Variants in PTPRD observed in about 807,000 individuals in gnomAD.
PTPRD encodes the protein receptor-type tyrosine-protein phosphatase delta.
A neutral mutation model predicts 214.5 loss-of-function variants in PTPRD; 34 were observed. That is an observed-to-expected ratio of 0.16 (90% CI 0.12 to 0.21). The LOEUF (loss-of-function observed/expected upper bound fraction) is 0.21. PTPRD is among the 10% of genes least tolerant of loss of function. PTPRD has a pLI of 1.00. For synonymous variants in PTPRD, 1,128 were observed against 845.7 expected, an observed-to-expected ratio of 1.33 and a Z score of -5.79; for missense variants, 2,545 against 2,398.7, an observed-to-expected ratio of 1.06 and a Z score of -1.27.
intron 21 of PTPRD, among the ~76,000 whole-genome samples, chr9:8,513,269 G>A (rs933286407): frequency 6.6e-6 from 1 of 151,966 alleles, no homozygotes; most frequent in Non-Finnish European, 1.5e-5. Flanking sequence ...AAAACTCTCT[G>A]ACTGTAAAAC....
intron 2 of PTPRD, among the ~76,000 whole-genome samples, chr9:10,546,258 T>A (rs2060147196): frequency 6.6e-6 from 1 of 152,048 alleles, no homozygotes; most frequent in Non-Finnish European, 1.5e-5. Context: ...TAGTTTGAGG[T>A]TAGTGGCTCA....
chr9:8,424,693 G>A (rs10977083), intron 35 of PTPRD, among the ~76,000 whole-genome samples: 78,242 of 149,224 alleles, frequency 0.52, 20,614 homozygotes, highest in East Asian at 0.74. Flanking sequence ...GGGAAGAAAA[G>A]GGAAGGAAAG....
intron 11 of PTPRD, among the ~76,000 whole-genome samples, chr9:8,970,342 G>T (rs551675351): frequency 1.1e-4 from 16 of 151,782 alleles, no homozygotes; most frequent in Non-Finnish European, 2.4e-4. Context: ...CAAAAATAGT[G>T]AGTTCTAAAT....
chr9:8,320,020 A>C (rs1307140520), intron 44 of PTPRD, 54 bp from the exon 45 acceptor site: 1 of 1,589,710 alleles, frequency 6.3e-7, no homozygotes. Flanking sequence ...AGTCTTGGCC[A>C]CATTTGCTTG....
chr9:9,969,324 C>G lies in PTPRD; in HGVS notation c.-471-30714G>C, dbSNP rs190090921. ...GACCAAGTCCTTTAAGATCTTGTGG[C>G]CTCATTAAACTCTCTCTTTCCTCCT... is the stretch of plus-strand genomic sequence containing the variant. On this transcript the variant is annotated intron_variant, in intron 4 of 45. Transcript: ENST00000381196. Among the ~76,000 whole-genome samples, 333 of 150,704 alleles carry G rather than the reference C, an allele frequency of 2.2e-3. 1 individual carries two copies. Among genetic ancestry groups the G allele is most frequent in the African/African-American group, 8.0e-3 (320 of 40,090 alleles).
intron 9 of PTPRD, among the ~76,000 whole-genome samples, chr9:9,275,107 AT>A (rs1384844488): frequency 7.2e-5 from 5 of 69,104 alleles, no homozygotes; most frequent in Admixed American, 2.5e-4. Context: ...TATATAATAT[AT>A]TATATATATA....
At chr9:9,781,299 A>G (rs1311254424) in intron 5 of PTPRD, among the ~76,000 whole-genome samples, 1 of 152,230 alleles carries the variant, frequency 6.6e-6, no homozygotes, top group African/African-American at 2.4e-5. Context: ...TTATAAACTC[A>G]ATATTTTGTA....
At chr9:9,794,209 A>G (rs1201757848) in intron 5 of PTPRD, among the ~76,000 whole-genome samples, 1 of 151,160 alleles carries the variant, frequency 6.6e-6, no homozygotes, top group Non-Finnish European at 1.5e-5. Context: ...GTGTATATAT[A>G]TATATATACA....
intron 43 of PTPRD, among the ~76,000 whole-genome samples, chr9:8,332,793 A>G (rs1842760404): frequency 6.6e-6 from 1 of 152,048 alleles, no homozygotes; most frequent in Admixed American, 6.6e-5. Flanking sequence ...GAAATAATCC[A>G]AGCTTAGAGA....
chr9:9,852,079 C>A (rs535678443), intron 5 of PTPRD, among the ~76,000 whole-genome samples: 1 of 151,444 alleles, frequency 6.6e-6, no homozygotes, highest in South Asian at 2.1e-4. Context: ...AGAGACCAGA[C>A]ATATAAAACA....
chr9:10,571,245 C>G (rs1027220357), intron 2 of PTPRD, among the ~76,000 whole-genome samples: 1 of 151,746 alleles, frequency 6.6e-6, no homozygotes, highest in Non-Finnish European at 1.5e-5. Flanking sequence ...TCAGTAGATA[C>G]GAAGAAAATT....
chr9:9,223,529 C>G (rs1003929671), intron 9 of PTPRD, among the ~76,000 whole-genome samples: 4 of 151,986 alleles, frequency 2.6e-5, no homozygotes, highest in African/African-American at 9.7e-5. Context: ...GTAAAATAAA[C>G]TAGGTATATT....
chr9:9,595,301 TA>T (rs58771410), intron 7 of PTPRD, among the ~76,000 whole-genome samples: 2,360 of 78,546 alleles, frequency 0.03, 74 homozygotes, highest in African/African-American at 0.069. Context: ...TATATATATA[TA>T]TATATATATT....
chr9:9,492,911 T>C (rs1224445321), intron 8 of PTPRD, among the ~76,000 whole-genome samples: 2 of 148,878 alleles, frequency 1.3e-5, no homozygotes, highest in East Asian at 2.0e-4. Flanking sequence ...GATATTACTA[T>C]TGTAATTGTT....
At chr9:8,319,700 A>T (rs1305111932) in intron 45 of PTPRD, 131 bp downstream of exon 45, 2 of 1,157,204 alleles carry the variant, frequency 1.7e-6, no homozygotes, top group East Asian at 5.2e-5. Context: ...ATGAGGTTCA[A>T]AATTATTAAA....
intron 2 of PTPRD, among the ~76,000 whole-genome samples, chr9:10,560,774 T>A (rs1440019605): frequency 6.6e-6 from 1 of 152,010 alleles, no homozygotes; most frequent in Non-Finnish European, 1.5e-5. Flanking sequence ...CCAATTAAAA[T>A]TACAAATTTA....
At chr9:9,216,369 T>C (rs1229975152) in intron 9 of PTPRD, among the ~76,000 whole-genome samples, 1 of 152,194 alleles carries the variant, frequency 6.6e-6, no homozygotes, top group Non-Finnish European at 1.5e-5. Flanking sequence ...ATGGAGCTAA[T>C]TATACTACTT....
chr9:9,352,203 T>C (rs191665645), intron 9 of PTPRD, among the ~76,000 whole-genome samples: 1 of 151,914 alleles, frequency 6.6e-6, no homozygotes, highest in Admixed American at 6.6e-5. Flanking sequence ...TTTTAACAAT[T>C]GTATAGTACA....
intron 12 of PTPRD, among the ~76,000 whole-genome samples, chr9:8,725,765 T>G (rs1402467443): frequency 6.6e-6 from 1 of 152,164 alleles, no homozygotes; most frequent in Non-Finnish European, 1.5e-5. Context: ...CACATAGAGA[T>G]TTGTACCCTG....
Sources: gnomAD v4.1 joint callset for allele counts (sites outside exome capture counted in the v4.1 genomes callset) on GRCh38, gnomAD v4.1.1 for gene constraint, MANE v1.5 for transcripts, NCBI Gene and HGNC (gene_info 2026-07-23, HGNC 2026-07-21) for gene names.